NGEF: variants seen among roughly 807,000 people sequenced by gnomAD.
The protein encoded by NGEF is neuronal guanine nucleotide exchange factor.
In NGEF, 31 loss-of-function variants were observed where a neutral mutation model predicts 80.9. The observed-to-expected ratio is 0.38, with a 90% CI of 0.29 to 0.52. NGEF has a LOEUF of 0.52. NGEF is among the 20% of genes least tolerant of loss of function. NGEF has a pLI of 0.84. For missense variants in NGEF, 709 were observed against 926.2 expected, an observed-to-expected ratio of 0.77 and a Z score of 3.04; for synonymous variants, 371 against 370.2, an observed-to-expected ratio of 1.00 and a Z score of -0.03.
intron 3 of NGEF, among the ~76,000 whole-genome samples, chr2:232,940,544 G>A (rs891885185): frequency 6.6e-6 from 1 of 151,606 alleles, no homozygotes; most frequent in African/African-American, 2.4e-5. Flanking sequence ...AATGAGCAGC[G>A]AGGATTTTTT....
chr2:232,954,242 T>C (rs1479176300), intron 3 of NGEF, among the ~76,000 whole-genome samples: 2 of 152,138 alleles, frequency 1.3e-5, no homozygotes, highest in Admixed American at 6.5e-5. Flanking sequence ...TATTCTATTC[T>C]CTCTGACAGG....
chr2:232,907,070 T>C (rs1270695965), intron 5 of NGEF, among the ~76,000 whole-genome samples: 1 of 151,056 alleles, frequency 6.6e-6, no homozygotes, highest in African/African-American at 2.4e-5. Flanking sequence ...AGACCTTTGT[T>C]CACTTGTTTG....
chr2:232,927,864 C>T, intron 3 of NGEF: 1 of 1,251,090 alleles, frequency 8.0e-7, no homozygotes, highest in African/African-American at 1.6e-5. Flanking sequence ...GGGCGGCGCG[C>T]CGGGGCCGGG....
chr2:232,898,242 CA>C (rs2106242044), intron 5 of NGEF, among the ~76,000 whole-genome samples: 1 of 152,374 alleles, frequency 6.6e-6, no homozygotes, highest in South Asian at 2.1e-4. Context: ...CACAGCGCCA[CA>C]TCACAGAAAA....
At position 232,878,768 on chromosome 2, in the gene NGEF, T is replaced by A. The variant is rs1691378861; in HGVS notation, c.*721A>T. On this transcript the variant is annotated 3_prime_UTR_variant, in exon 15 of 15. Transcript: ENST00000264051. ...ATATTTGCTTTTCTCAGAACCATAA[T>A]CGATACAAGATGCAGTGACCAATTC... 6.6e-6 allele frequency: 1 copy of A among 152,630 alleles called. No homozygotes were observed. The highest frequency in any genetic ancestry group is 2.4e-5 in the African/African-American group (1 of 41,452). 9.5% of individuals were successfully genotyped at this position (152,630 alleles called of 1,614,324 possible).
chr2:232,998,914 T>C (rs925169375), intron 1 of NGEF, among the ~76,000 whole-genome samples: 3 of 152,200 alleles, frequency 2.0e-5, no homozygotes, highest in African/African-American at 7.2e-5. Flanking sequence ...AGGTTCAATA[T>C]GGGGTCCTCA....
At chr2:232,996,641 C>T (rs143966216) in intron 1 of NGEF, among the ~76,000 whole-genome samples, 30 of 152,130 alleles carry the variant, frequency 2.0e-4, no homozygotes, top group Middle Eastern at 3.4e-3. Context: ...GACAGCCAAG[C>T]GCACCACCAC....
chr2:232,906,167 T>G (rs1156671554), intron 5 of NGEF, among the ~76,000 whole-genome samples: 2 of 55,138 alleles, frequency 3.6e-5, no homozygotes, highest in African/African-American at 8.6e-5. Context: ...GGGAGGGAGG[T>G]GGGGGGGTCA....
At chr2:232,988,493 G>A (rs911711243) in intron 1 of NGEF, among the ~76,000 whole-genome samples, 1 of 152,202 alleles carries the variant, frequency 6.6e-6, no homozygotes, top group African/African-American at 2.4e-5. Context: ...TGCAGCCAAG[G>A]GCAGCAGGCA....
At chr2:232,901,280 T>A (rs752121068) in intron 5 of NGEF, 4 of 785,308 alleles carry the variant, frequency 5.1e-6, no homozygotes, top group Non-Finnish European at 6.2e-6. Flanking sequence ...GTCCCACTCC[T>A]GCCTCCGCAC....
chr2:232,938,447 G>A (rs1311708058), intron 3 of NGEF, among the ~76,000 whole-genome samples: 6 of 152,168 alleles, frequency 3.9e-5, no homozygotes, highest in Non-Finnish European at 8.8e-5. Context: ...TATGGAAAAT[G>A]AGGGACATCC....
intron 1 of NGEF, among the ~76,000 whole-genome samples, chr2:233,010,010 G>T (rs1574669789): frequency 6.6e-6 from 1 of 152,236 alleles, no homozygotes; most frequent in South Asian, 2.1e-4. Context: ...CCATTCTCCT[G>T]CCTCAGCCTC....
chr2:232,953,316 A>AG lies in NGEF; in HGVS notation c.383+16897_383+16898insC, dbSNP rs1471854575. Among the ~76,000 whole-genome samples, 354 of 149,498 alleles carry AG rather than the reference A, an allele frequency of 2.4e-3. 3 individuals are homozygous for AG. Among genetic ancestry groups the AG allele is most frequent in the African/African-American group, 7.9e-3 (322 of 40,640 alleles). On this transcript the variant is annotated intron_variant, in intron 3 of 14. Coordinates refer to ENST00000264051, the MANE Select transcript of NGEF (RefSeq NM_019850.3). ...GACTCTGTGTCAAAAAAAAAAAAAAAAAAAGAAAAAGAAAGAAAAAAAGGG... is the reference window on the plus strand; with the variant it reads ...GACTCTGTGTCAAAAAAAAAAAAAAAGAAAAGAAAAAGAAAGAAAAAAAGGG...
At chr2:232,927,004 C>A (rs1449196248) in intron 4 of NGEF, 40 bp downstream of exon 4, 2 of 1,613,644 alleles carry the variant, frequency 1.2e-6, no homozygotes, top group Non-Finnish European at 1.7e-6. Context: ...CAGGGACCCG[C>A]GTTTCCCAAA....
intron 5 of NGEF, among the ~76,000 whole-genome samples, chr2:232,904,313 C>G (rs1353029374): frequency 1.3e-5 from 2 of 152,122 alleles, no homozygotes; most frequent in Non-Finnish European, 2.9e-5. Context: ...TTCTCTAGCT[C>G]TGCCTCCTGG....
chr2:232,879,063 T>C lies in NGEF; in HGVS notation c.*426A>G, dbSNP rs1420033792. The C allele has an allele frequency of 6.4e-6, 1 of 157,026 alleles. No individual in the cohort carries two copies. Among genetic ancestry groups the C allele is most frequent in the Non-Finnish European group, 1.4e-5 (1 of 70,862 alleles). 9.7% of individuals were successfully genotyped at this position (157,026 alleles called of 1,614,324 possible). ...TCATCTGTGCCTGGTAGATTCTAAC[T>C]GCTTCCAAGGTAGAGGAGGACGCGT... On this transcript the variant is annotated 3_prime_UTR_variant, in exon 15 of 15. Coordinates refer to ENST00000264051, the MANE Select transcript of NGEF (RefSeq NM_019850.3).
At chr2:232,949,043 CA>C (rs143206265) in intron 3 of NGEF, among the ~76,000 whole-genome samples, 45,234 of 151,492 alleles carry the variant, frequency 0.3, 7,573 homozygotes, top group Middle Eastern at 0.43. Context: ...AAAAAACAAA[CA>C]AAAAAAACCA....
At chr2:232,881,424 C>T (rs1463564235) in intron 13 of NGEF, among the ~76,000 whole-genome samples, 174 bp from the exon 14 acceptor site, 1 of 152,152 alleles carries the variant, frequency 6.6e-6, no homozygotes, top group East Asian at 1.9e-4. Flanking sequence ...TTAACATAGC[C>T]AGGAGTTCTG....
chr2:233,001,960 A>G (rs1694987881), intron 1 of NGEF, among the ~76,000 whole-genome samples: 1 of 152,072 alleles, frequency 6.6e-6, no homozygotes, highest in Admixed American at 6.5e-5. Context: ...GGTTGCCCTG[A>G]ACCATTGCAC....
Sources: allele counts gnomAD v4.1 joint callset (sites outside exome capture counted in the v4.1 genomes callset), GRCh38; gene constraint gnomAD v4.1.1; transcripts MANE v1.5; gene names NCBI Gene and HGNC (gene_info 2026-07-23, HGNC 2026-07-21).